Variants in MEI1 observed in about 807,000 individuals in gnomAD.
MEI1 encodes the protein meiotic double-stranded break formation protein 1, also known as meiosis inhibitor protein 1.
Under a neutral mutation model 146.2 loss-of-function variants are expected in MEI1, and 103 were observed. The ratio of observed to expected loss-of-function variants is 0.70; its 90% CI spans 0.60 to 0.83. The LOEUF (loss-of-function observed/expected upper bound fraction) is 0.83, where lower values mean the gene tolerates loss of function less well. MEI1 is among the 40% of genes least tolerant of loss of function. The pLI is 0.00. For missense variants in MEI1, 1,529 were observed against 1,533.0 expected (o/e 1.00, Z 0.04); for synonymous variants, 652 against 628.2 (o/e 1.04, Z -0.57).
At position 41,784,648 on chromosome 22, in the gene MEI1, C is replaced by A. The variant is rs1479345360; in HGVS notation, c.3210C>A (p.Ser1070Arg). Reference protein sequence around the residue: ...LCFLRTALRQSFSSALVALVP... With the variant: ...LCFLRTALRQRFSSALVALVP... ...TCCTGCGGACAGCCCTGCGACAAAG[C>A]TTTTCCTCTGCCCTGGTAGCCCTGG... The change falls in exon 26 of 31, where the codon AGC (serine) becomes AGA (arginine). Residue 1070 changes from serine to arginine, a missense_variant. Ser to Arg is a moderately radical substitution (Grantham distance 110, BLOSUM62 -1). Around this residue, in one of 3 missense-constraint regions of MEI1, gnomAD observed 313 missense variants for 337.3 expected, o/e 0.93. Transcript: ENST00000401548. 1 of 1,613,528 alleles carries A rather than the reference C, an allele frequency of 6.2e-7. No homozygotes were observed. Among genetic ancestry groups the A allele is most frequent in the African/African-American group, 1.3e-5 (1 of 74,928 alleles).
intron 6 of MEI1, among the ~76,000 whole-genome samples, chr22:41,719,558 A>G (rs573314810): frequency 6.6e-6 from 1 of 152,268 alleles, no homozygotes; most frequent in African/African-American, 2.4e-5. Context: ...GCATTAATTC[A>G]TTCATGAGGG....
chr22:41,751,805 G>A (rs986970163), intron 15 of MEI1, among the ~76,000 whole-genome samples: 12 of 149,196 alleles, frequency 8.0e-5, no homozygotes, highest in Non-Finnish European at 1.6e-4. Flanking sequence ...GGCGCAGTGG[G>A]TCACACCTGT....
At chr22:41,772,579 C>T (rs928307028) in intron 20 of MEI1, among the ~76,000 whole-genome samples, 1 of 152,190 alleles carries the variant, frequency 6.6e-6, no homozygotes, top group African/African-American at 2.4e-5. Flanking sequence ...ACCATGGCCT[C>T]CCAAAGTGTT....
chr22:41,732,466 C>T lies in MEI1; in HGVS notation c.1197-3C>T, dbSNP rs1157897127. 6.2e-7 allele frequency: 1 copy of T among 1,613,712 alleles called. No homozygotes were observed. The highest frequency in any genetic ancestry group is 1.3e-5 in the African/African-American group (1 of 74,924). On this transcript the variant is annotated splice_polypyrimidine_tract_variant and splice_region_variant and intron_variant, in intron 10 of 30. Coordinates refer to ENST00000401548, the MANE Select transcript of MEI1 (RefSeq NM_152513.4). ...TACTCGTTTCTCATCTTCCATTTCT[C>T]AGGCAGCCAGAGGAGATCAAGCTGT...
At chr22:41,741,716 T>C (rs555068135) in intron 11 of MEI1, among the ~76,000 whole-genome samples, 9 of 152,302 alleles carry the variant, frequency 5.9e-5, no homozygotes, top group Admixed American at 2.6e-4. Context: ...TGGCTCACGC[T>C]TGTAATTCCA....
intron 6 of MEI1, among the ~76,000 whole-genome samples, chr22:41,721,135 G>A (rs1423426709): frequency 1.4e-5 from 2 of 146,118 alleles, no homozygotes; most frequent in African/African-American, 2.6e-5. Context: ...GGATGGTCTC[G>A]ATCTCTTGAC....
At chr22:41,755,631 C>T (rs999215871) in intron 17 of MEI1, among the ~76,000 whole-genome samples, 9 of 152,232 alleles carry the variant, frequency 5.9e-5, no homozygotes, top group African/African-American at 2.2e-4. Context: ...CACACATCTC[C>T]TGCCTTAAAC....
intron 5 of MEI1, 124 bp downstream of exon 5, chr22:41,716,270 TC>T: frequency 1.6e-6 from 1 of 641,296 alleles, no homozygotes. Context: ...GCCTTCAGTT[TC>T]CCCGTCTGCA....
chr22:41,793,944 G>A, intron 27 of MEI1, 34 bp downstream of exon 27: 2 of 1,580,022 alleles, frequency 1.3e-6, no homozygotes, highest in Non-Finnish European at 1.7e-6. Context: ...ATGTTCCCAT[G>A]AGAGAGATTA....
At chr22:41,700,819 C>G (rs1041000498) in intron 1 of MEI1, among the ~76,000 whole-genome samples, 13 of 143,616 alleles carry the variant, frequency 9.1e-5, no homozygotes, top group Non-Finnish European at 1.5e-5. Flanking sequence ...CCAGGCTGGT[C>G]TTGAACTCCT....
chr22:41,773,604 G>A (rs1170700204), intron 20 of MEI1, among the ~76,000 whole-genome samples: 1 of 151,460 alleles, frequency 6.6e-6, no homozygotes, highest in African/African-American at 2.4e-5. Context: ...GGCCGGGCGC[G>A]GTGGCTCACG....
chr22:41,789,378 G>T (rs2076097274), intron 26 of MEI1, among the ~76,000 whole-genome samples: 1 of 152,124 alleles, frequency 6.6e-6, no homozygotes, highest in Admixed American at 6.5e-5. Flanking sequence ...TGTCCAGGCT[G>T]GTCTTGACCT....
In MEI1 at chr22:41,795,963, G is replaced by A. The variant is rs1602206316; in HGVS notation, c.3779+116G>A. 4 of 1,612,056 alleles carry A rather than the reference G, an allele frequency of 2.5e-6. No individual in the cohort carries two copies. The East Asian group carries it at 8.9e-5, about 36-fold the overall frequency. On this transcript the variant is annotated intron_variant, in intron 30 of 30. Coordinates refer to ENST00000401548, the MANE Select transcript of MEI1 (RefSeq NM_152513.4). The surrounding 1 kb of genome is among the most constrained non-coding windows in gnomAD (Gnocchi z 4.2). ...TAGCAGTGTCCTCTCTCATGAAGAG[G>A]TGGGTGATGTTCTGCAAGGTGTGGC...
intron 19 of MEI1, among the ~76,000 whole-genome samples, chr22:41,764,527 A>G (rs976538254): frequency 1.3e-5 from 2 of 152,218 alleles, no homozygotes; most frequent in Non-Finnish European, 2.9e-5. Context: ...AATCAAAAAG[A>G]GGCAAAATTA....
At chr22:41,792,718 A>T (rs146353315) in intron 26 of MEI1, among the ~76,000 whole-genome samples, 7 of 152,180 alleles carry the variant, frequency 4.6e-5, no homozygotes, top group Admixed American at 1.3e-4. Flanking sequence ...GCACCATTTT[A>T]TCTTCCCACC....
In MEI1 at chr22:41,759,111, C is replaced by G. The variant is rs529855501; in HGVS notation, c.2120+578C>G. 2.0e-5 allele frequency among the ~76,000 whole-genome samples: 3 copies of G among 152,208 alleles called. No homozygotes were observed. In the South Asian group the frequency reaches 6.2e-4, roughly 32 times the overall value. On this transcript the variant is annotated intron_variant, in intron 18 of 30. Transcript: ENST00000401548. ...TGAGCCAAGATTGTGCCACTGCACT[C>G]CAGCCTGGGTGACAGAGTGAGTGAG... is the stretch of plus-strand genomic sequence containing the variant.
Position 41,781,672 on chromosome 22 carries a change from C to T in MEI1, c.2927-13C>T, listed in dbSNP as rs756251580. On this transcript the variant is annotated splice_polypyrimidine_tract_variant and intron_variant, in intron 23 of 30. Transcript: ENST00000401548. ...GTAACTCCTGTGGGCCCTGCCTTGC[C>T]CACCCCCGACAGCTGCTGCAGTGCT... 1.2e-6 allele frequency: 2 copies of T among 1,610,996 alleles called. No individual in the cohort carries two copies. The highest frequency in any genetic ancestry group is 4.5e-5 in the East Asian group (2 of 44,812).
chr22:41,776,175 A>T lies in MEI1; in HGVS notation c.2618A>T (p.Asn873Ile). The T allele has an allele frequency of 6.2e-7, 1 of 1,613,408 alleles. No homozygotes were observed. Among genetic ancestry groups the T allele is most frequent in the Non-Finnish European group, 8.5e-7 (1 of 1,179,540 alleles). The change falls in exon 21 of 31, where the codon AAT (asparagine) becomes ATT (isoleucine). Residue 873 changes from asparagine to isoleucine, a missense_variant. By Grantham distance (149) the Asn-to-Ile change is moderately radical. Transcript: ENST00000401548. ...LISLRTFLRR[N>I]EDIQVGGLIR... is the part of the protein sequence containing the mutation. ...AGCCTGAGGACCTTCCTGAGGAGGA[A>T]TGAGGATATCCAAGTGGGCGGTCTT...
chr22:41,798,184 CTG>C (rs1267716073), intron 30 of MEI1, among the ~76,000 whole-genome samples: 3 of 150,390 alleles, frequency 2.0e-5, no homozygotes, highest in African/African-American at 7.3e-5. Context: ...GTGTGTGTCT[CTG>C]TGACTGCCAT....
Sources: gnomAD v4.1 joint callset for allele counts (sites outside exome capture counted in the v4.1 genomes callset) on GRCh38, gnomAD v4.1.1 for gene constraint, gnomAD v4.1.1 regional missense constraint, Gnocchi (gnomAD v3.1) non-coding constraint, MANE v1.5 for transcripts, NCBI Gene and HGNC (gene_info 2026-07-23, HGNC 2026-07-21) for gene names.